Variants in ARID5B observed in about 807,000 individuals in gnomAD.
ARID5B encodes the protein AT-rich interactive domain-containing protein 5B.
In ARID5B, 13 loss-of-function variants were observed where a neutral mutation model predicts 97.2. The observed-to-expected ratio is 0.13, with a 90% CI of 0.09 to 0.21. The LOEUF is 0.21. ARID5B is among the 10% of genes least tolerant of loss of function. The pLI is 1.00. For missense variants in ARID5B, 1,210 were observed against 1,465.3 expected, an observed-to-expected ratio of 0.83 and a Z score of 2.84; for synonymous variants, 556 against 570.3, an observed-to-expected ratio of 0.97 and a Z score of 0.36.
At chr10:62,050,363 GC>G (rs1394402851) in intron 4 of ARID5B, among the ~76,000 whole-genome samples, 1 of 152,162 alleles carries the variant, frequency 6.6e-6, no homozygotes, top group African/African-American at 2.4e-5. Context: ...TGTTGTGAAT[GC>G]CCCTCTCTCT....
chr10:62,043,709 A>G (rs559289510), intron 4 of ARID5B, among the ~76,000 whole-genome samples: 1 of 152,338 alleles, frequency 6.6e-6, no homozygotes, highest in South Asian at 2.1e-4. Context: ...GGGCAGAGAG[A>G]GACGGCGGAT....
intron 2 of ARID5B, among the ~76,000 whole-genome samples, chr10:61,927,790 A>G (rs1302946169): frequency 6.6e-6 from 1 of 152,258 alleles, no homozygotes; most frequent in Admixed American, 6.5e-5. Flanking sequence ...ATCTTTTGAT[A>G]TCATCATTTC....
intron 5 of ARID5B, among the ~76,000 whole-genome samples, chr10:62,056,411 G>A (rs193216674): frequency 5.9e-5 from 9 of 152,198 alleles, no homozygotes; most frequent in Non-Finnish European, 1.2e-4. Context: ...GTGTACCCCC[G>A]CATCACTCTT....
intron 3 of ARID5B, among the ~76,000 whole-genome samples, chr10:61,958,708 C>T (rs1286557957): frequency 6.6e-6 from 1 of 152,212 alleles, no homozygotes; most frequent in Non-Finnish European, 1.5e-5. Context: ...GGAACTTATA[C>T]TTAGTTCAAA....
At chr10:61,974,834 C>G (rs982912150) in intron 3 of ARID5B, among the ~76,000 whole-genome samples, 2 of 151,600 alleles carry the variant, frequency 1.3e-5, no homozygotes, top group Non-Finnish European at 1.5e-5. Context: ...GGATTTGTAA[C>G]TTAAAAAGTG....
intron 3 of ARID5B, among the ~76,000 whole-genome samples, chr10:61,977,227 T>C (rs1367360896): frequency 1.3e-5 from 2 of 152,264 alleles, no homozygotes; most frequent in Non-Finnish European, 2.9e-5. Context: ...ATGGTGTATA[T>C]GTGCCACCTT....
intron 4 of ARID5B, among the ~76,000 whole-genome samples, chr10:62,027,083 G>T (rs1839430231): frequency 6.6e-6 from 1 of 151,892 alleles, no homozygotes; most frequent in Admixed American, 6.6e-5. Context: ...GGGCAGCCAG[G>T]GTTAGTTTCA....
At chr10:62,015,207 T>C (rs1322239417) in intron 4 of ARID5B, among the ~76,000 whole-genome samples, 1 of 152,226 alleles carries the variant, frequency 6.6e-6, no homozygotes, top group Non-Finnish European at 1.5e-5. Flanking sequence ...GAAAGGCTTA[T>C]TGAAGCCAAA....
chr10:61,983,867 C>CTTTTTTTTTTTTTTTTTTTTTTTTTTTT (rs1164342402), intron 3 of ARID5B, among the ~76,000 whole-genome samples: 2 of 27,590 alleles, frequency 7.2e-5, no homozygotes, highest in African/African-American at 3.2e-4. Flanking sequence ...CCCTTTTGTT[C>CTTTTTTTTTTTTTTTTTTTTTTTTTTTT]TTTTTTTTTT....
chr10:62,037,302 A>C (rs1839578389), intron 4 of ARID5B, among the ~76,000 whole-genome samples: 2 of 152,192 alleles, frequency 1.3e-5, no homozygotes, highest in Admixed American at 1.3e-4. Flanking sequence ...AATGTTTTAA[A>C]ATTGCCCTTC....
At chr10:62,077,524 C>G (rs559868897) in intron 8 of ARID5B, among the ~76,000 whole-genome samples, 23 of 132,860 alleles carry the variant, frequency 1.7e-4, no homozygotes, top group African/African-American at 5.3e-4. Flanking sequence ...TTTGTTTGAC[C>G]CCCCCCAAAA....
At chr10:62,075,435 C>T (rs984872314) in intron 8 of ARID5B, among the ~76,000 whole-genome samples, 1 of 152,216 alleles carries the variant, frequency 6.6e-6, no homozygotes, top group African/African-American at 2.4e-5. Context: ...TGATACAGCG[C>T]CCTGCAGTGG....
At chr10:62,067,379 G>A (rs981414500) in intron 7 of ARID5B, among the ~76,000 whole-genome samples, 4 of 152,200 alleles carry the variant, frequency 2.6e-5, no homozygotes, top group African/African-American at 4.8e-5. Flanking sequence ...CACCATGCCC[G>A]GCCAGAACTT....
chr10:62,059,374 C>T lies in ARID5B; in HGVS notation c.1101+79C>T. ...CTCTTTGACCAAAATGGAGAACATGCAAGGGCAAAACATCACTGACTGCCT... is the reference window on the plus strand; with the variant it reads ...CTCTTTGACCAAAATGGAGAACATGTAAGGGCAAAACATCACTGACTGCCT... On this transcript the variant is annotated intron_variant, in intron 7 of 9. Transcript: ENST00000279873. 2.4e-6 allele frequency: 3 copies of T among 1,225,656 alleles called. No homozygotes were observed. In the South Asian group the frequency reaches 3.8e-5, roughly 15 times the overall value. The allele number at this position is 1,225,656 out of a possible 1,614,324, so 75.9% of individuals were successfully genotyped here.
At chr10:61,978,689 G>GTGAT (rs1299343281) in intron 3 of ARID5B, among the ~76,000 whole-genome samples, 2 of 152,176 alleles carry the variant, frequency 1.3e-5, no homozygotes, top group African/African-American at 4.8e-5. Context: ...AAGAATGCTT[G>GTGAT]TGATTTTTGC....
In ARID5B at chr10:62,092,301, G is replaced by C; in HGVS notation, c.2838G>C (p.Gln946His). 1 of 1,609,214 alleles carries C rather than the reference G, an allele frequency of 6.2e-7. No homozygotes were observed. Among genetic ancestry groups the C allele is most frequent in the Non-Finnish European group, 8.5e-7 (1 of 1,177,668 alleles). The change falls in exon 10 of 10, where the codon CAG (glutamine) becomes CAC (histidine). Residue 946 changes from glutamine to histidine, a missense_variant. Physicochemically the swap from Gln to His is conservative, Grantham distance 24. Around this residue, in one of 8 missense-constraint regions of ARID5B, gnomAD observed 800 missense variants for 839.1 expected, o/e 0.95. Transcript: ENST00000279873. The part of the protein sequence containing the change: ...GISQFQVLGS[Q>H]SRDCHPKACR... ...CCCAGTTCCAGGTCTTAGGCAGCCA[G>C]AGTCGAGACTGTCACCCCAAAGCCT...
intron 8 of ARID5B, among the ~76,000 whole-genome samples, chr10:62,075,942 T>G (rs1840126795): frequency 6.6e-6 from 1 of 152,224 alleles, no homozygotes; most frequent in South Asian, 2.1e-4. Context: ...CAATCGGTGT[T>G]TTTTGGACAT....
intron 7 of ARID5B, among the ~76,000 whole-genome samples, chr10:62,061,290 A>G (rs1839918517): frequency 6.6e-6 from 1 of 152,246 alleles, no homozygotes; most frequent in Non-Finnish European, 1.5e-5. Flanking sequence ...ATTTGGGAAG[A>G]ATTCTGGGGA....
intron 2 of ARID5B, among the ~76,000 whole-genome samples, chr10:61,906,405 G>T (rs959727428): frequency 6.6e-6 from 1 of 152,154 alleles, no homozygotes; most frequent in Non-Finnish European, 1.5e-5. Flanking sequence ...GCGGGTAATT[G>T]GTTCTGTTAC....
Sources: allele counts gnomAD v4.1 joint callset (sites outside exome capture counted in the v4.1 genomes callset), GRCh38; gene constraint gnomAD v4.1.1; regional missense constraint gnomAD v4.1.1; transcripts MANE v1.5; gene names NCBI Gene and HGNC (gene_info 2026-07-23, HGNC 2026-07-21).